The following DLGAP2 variants were observed in gnomAD, a reference collection of about 807,000 sequenced individuals.
DLGAP2 encodes the protein DLG associated protein 2.
DLGAP2 carries 26 observed loss-of-function variants against 100.3 expected under a neutral mutation model. The observed-to-expected ratio is 0.26, with a 90% CI of 0.19 to 0.36. The LOEUF (loss-of-function observed/expected upper bound fraction) is 0.36, where lower values mean the gene tolerates loss of function less well. Ranked by LOEUF, DLGAP2 falls within the 10% of genes least tolerant of loss-of-function variation. The pLI is 1.00. For missense variants in DLGAP2, 1,858 were observed against 1,453.2 expected (o/e 1.28, Z -4.53); for synonymous variants, 886 against 630.1 (o/e 1.41, Z -6.08).
chr8:1,335,718 G>A (rs985517063), intron 3 of DLGAP2, among the ~76,000 whole-genome samples: 3 of 152,236 alleles, frequency 2.0e-5, no homozygotes, highest in East Asian at 1.9e-4. Context: ...GACGCAGGAC[G>A]CCCAGGGAAC....
intron 3 of DLGAP2, among the ~76,000 whole-genome samples, chr8:1,496,765 C>T (rs894507235): frequency 3.3e-5 from 5 of 152,174 alleles, no homozygotes; most frequent in South Asian, 2.1e-4. Context: ...GACAGGTCCA[C>T]GCTCTCCAGG....
At chr8:1,206,466 G>A (rs74775160) in intron 2 of DLGAP2, among the ~76,000 whole-genome samples, 7,063 of 50,302 alleles carry the variant, frequency 0.14, 2 homozygotes, top group African/African-American at 0.34. Flanking sequence ...ACTGTGAGTG[G>A]TTAATCTCCA....
chr8:1,628,107 AGC>A (rs1797553426), intron 7 of DLGAP2, among the ~76,000 whole-genome samples: 1 of 113,596 alleles, frequency 8.8e-6, no homozygotes, highest in Non-Finnish European at 1.7e-5. Flanking sequence ...TAAGAGCTTG[AGC>A]CGACCTCACA....
At chr8:1,510,185 A>T (rs61678583) in intron 4 of DLGAP2, among the ~76,000 whole-genome samples, 2,360 of 152,284 alleles carry the variant, frequency 0.015, 65 homozygotes, top group African/African-American at 0.054. Context: ...CCTGGGAGGT[A>T]TTTGTGATTT....
chr8:1,667,445 C>G (rs2130836423), intron 8 of DLGAP2, among the ~76,000 whole-genome samples: 1 of 152,284 alleles, frequency 6.6e-6, no homozygotes, highest in African/African-American at 2.4e-5. Context: ...TGGCCTGGCC[C>G]AGCTCAGATG....
At position 835,698 on chromosome 8, in the gene DLGAP2, C is replaced by G. The variant is rs138131644; in HGVS notation, c.19-72214C>G. 2.7e-3 allele frequency among the ~76,000 whole-genome samples: 415 copies of G among 152,282 alleles called. 13 individuals are homozygous for G. The highest frequency in any genetic ancestry group is 0.025 in the Admixed American group (382 of 15,294). ...TGTGAACTTGGAATTAAATGCTTTT[C>G]TCTGTGCTAGGCTGCGTCACCAAAT... On this transcript the variant is annotated intron_variant, in intron 1 of 14. Transcript: ENST00000637795.
intron 3 of DLGAP2, among the ~76,000 whole-genome samples, chr8:1,488,582 G>C (rs1584949011): frequency 6.6e-6 from 1 of 152,176 alleles, no homozygotes; most frequent in African/African-American, 2.4e-5. Flanking sequence ...CCCAGGCCAA[G>C]AGGTGAGCAG....
At chr8:1,174,565 C>T (rs1232355917) in intron 2 of DLGAP2, among the ~76,000 whole-genome samples, 1 of 151,960 alleles carries the variant, frequency 6.6e-6, no homozygotes, top group Non-Finnish European at 1.5e-5. Flanking sequence ...TCATTATTAC[C>T]ATCACCACCA....
At chr8:1,365,255 C>T (rs1802082911) in intron 3 of DLGAP2, among the ~76,000 whole-genome samples, 1 of 152,182 alleles carries the variant, frequency 6.6e-6, no homozygotes, top group Non-Finnish European at 1.5e-5. Flanking sequence ...CTCACTCTCC[C>T]AGAGCCTCAA....
chr8:1,702,873 T>A lies in DLGAP2; in HGVS notation c.*1467T>A, dbSNP rs1034076677. The A allele has an allele frequency of 6.6e-6, 1 of 152,658 alleles. No homozygotes were observed. The highest frequency in any genetic ancestry group is 2.4e-5 in the African/African-American group (1 of 41,454). The allele number at this position is 152,658 out of a possible 1,614,324, so 9.5% of individuals were successfully genotyped here. A position where few individuals can be genotyped will look rare whatever the true frequency, so the allele number is the denominator to read the frequency against. ...GCGATTTAAGATGTTTCCACCCCAATACCTGGTCTTCCTTCCCGGCTTAAG... is the reference window on the plus strand; with the variant it reads ...GCGATTTAAGATGTTTCCACCCCAAAACCTGGTCTTCCTTCCCGGCTTAAG... On this transcript the variant is annotated 3_prime_UTR_variant, in exon 15 of 15. Coordinates refer to ENST00000637795, the MANE Select transcript of DLGAP2 (RefSeq NM_001346810.2).
intron 1 of DLGAP2, among the ~76,000 whole-genome samples, chr8:769,936 G>A (rs1317943171): frequency 6.7e-6 from 1 of 148,200 alleles, no homozygotes; most frequent in Admixed American, 6.7e-5. Context: ...CGGGGGTCAT[G>A]CCGACCCCAG....
intron 3 of DLGAP2, among the ~76,000 whole-genome samples, chr8:1,365,317 C>G (rs1802084918): frequency 6.6e-6 from 1 of 152,146 alleles, no homozygotes; most frequent in South Asian, 2.1e-4. Flanking sequence ...CGCACCGAGG[C>G]TGCAGGTGGC....
intron 2 of DLGAP2, among the ~76,000 whole-genome samples, chr8:925,549 C>G (rs187415301): frequency 5.3e-4 from 81 of 152,218 alleles, no homozygotes; most frequent in Non-Finnish European, 8.5e-4. Context: ...ATTAGCACAG[C>G]TTGGATGTCC....
intron 1 of DLGAP2, among the ~76,000 whole-genome samples, chr8:837,141 G>T (rs1214772144): frequency 6.6e-6 from 1 of 152,202 alleles, no homozygotes; most frequent in South Asian, 2.1e-4. Flanking sequence ...ACACGTGGGT[G>T]GCAGCGCCTT....
intron 2 of DLGAP2, among the ~76,000 whole-genome samples, chr8:946,542 C>A (rs951618630): frequency 8.5e-5 from 13 of 152,176 alleles, no homozygotes; most frequent in Admixed American, 1.3e-4. Context: ...GGATTACAGG[C>A]GTGAGCCACC....
intron 6 of DLGAP2, among the ~76,000 whole-genome samples, chr8:1,592,793 C>A (rs750898423): frequency 2.0e-5 from 3 of 152,088 alleles, no homozygotes; most frequent in Non-Finnish European, 2.9e-5. Context: ...TTTATTATCC[C>A]ACAGTAATTG....
At chr8:1,532,247 G>C (rs776827731) in intron 4 of DLGAP2, among the ~76,000 whole-genome samples, 10 of 152,136 alleles carry the variant, frequency 6.6e-5, no homozygotes, top group Non-Finnish European at 1.5e-5. Flanking sequence ...ACATGGGGGA[G>C]GTCCTGGAAC....
chr8:1,177,143 G>A (rs749662450), intron 2 of DLGAP2, among the ~76,000 whole-genome samples: 10 of 152,164 alleles, frequency 6.6e-5, no homozygotes, highest in Non-Finnish European at 1.0e-4. Flanking sequence ...TCGAGTGGAC[G>A]CACGCACGCC....
chr8:1,200,287 C>G (rs1797842600), intron 2 of DLGAP2, among the ~76,000 whole-genome samples: 2 of 152,218 alleles, frequency 1.3e-5, no homozygotes, highest in African/African-American at 4.8e-5. Flanking sequence ...TCTCCAGCCT[C>G]TTGCTCCGGG....
Sources: gnomAD v4.1 joint callset for allele counts (sites outside exome capture counted in the v4.1 genomes callset) on GRCh38, gnomAD v4.1.1 for gene constraint, MANE v1.5 for transcripts, NCBI Gene and HGNC (gene_info 2026-07-23, HGNC 2026-07-21) for gene names.